Variants in ESRRB observed in about 807,000 individuals in gnomAD.
ESRRB encodes steroid hormone receptor ERR2.
In ESRRB, 16 loss-of-function variants were observed where a neutral mutation model predicts 46.0. That is an observed-to-expected ratio of 0.35 (90% CI 0.24 to 0.53). The LOEUF is 0.53. Ranked by LOEUF, ESRRB falls within the 20% of genes least tolerant of loss-of-function variation. The pLI is 0.93. For missense variants in ESRRB, 488 were observed against 607.4 expected, an observed-to-expected ratio of 0.80 and a Z score of 2.07; for synonymous variants, 246 against 259.6, an observed-to-expected ratio of 0.95 and a Z score of 0.50.
chr14:76,314,737 C>G (rs573714771), intron 1 of ESRRB, among the ~76,000 whole-genome samples: 1 of 152,068 alleles, frequency 6.6e-6, no homozygotes, highest in African/African-American at 2.4e-5. Context: ...TGGCCAAGGT[C>G]GAGCAATGTC....
Position 76,362,691 on chromosome 14 carries a change from G to C in ESRRB, c.2+51775G>C, listed in dbSNP as rs140806208. Among the ~76,000 whole-genome samples the C allele has an allele frequency of 3.7e-3, 559 of 152,278 alleles. 2 individuals carry two copies. The highest frequency in any genetic ancestry group is 5.9e-3 in the Non-Finnish European group (400 of 68,016). The stretch of plus-strand genomic sequence containing the variant: ...TTCCTTTAGAGAACAACTGATTCTA[G>C]AGATGCTGTTTTCATTTCCAACGCA... On this transcript the variant is annotated intron_variant, in intron 1 of 6. Transcript: ENST00000512784.
intron 1 of ESRRB, among the ~76,000 whole-genome samples, chr14:76,421,635 T>A (rs1358165546): frequency 2.6e-5 from 4 of 152,120 alleles, no homozygotes; most frequent in African/African-American, 9.7e-5. Context: ...TGCAGTGAAG[T>A]GTAATGACAT....
At chr14:76,356,778 C>T (rs1292813790) in intron 1 of ESRRB, among the ~76,000 whole-genome samples, 1 of 152,250 alleles carries the variant, frequency 6.6e-6, no homozygotes, top group Non-Finnish European at 1.5e-5. Context: ...CTGTCCAGCC[C>T]CATCAGCGCA....
intron 1 of ESRRB, among the ~76,000 whole-genome samples, chr14:76,359,028 C>T (rs1278306869): frequency 3.3e-5 from 5 of 152,210 alleles, no homozygotes; most frequent in African/African-American, 1.2e-4. Flanking sequence ...ACATTGAGAA[C>T]CACTGCCCTG....
chr14:76,325,384 G>T (rs1368282153), intron 1 of ESRRB, among the ~76,000 whole-genome samples: 1 of 152,186 alleles, frequency 6.6e-6, no homozygotes, highest in Non-Finnish European at 1.5e-5. Flanking sequence ...GAGAAAGGGA[G>T]GGGTTGTCTG....
At position 76,414,668 on chromosome 14, in the gene ESRRB, T is replaced by TAAAAAAAAAAAAA. The variant is rs71452810; in HGVS notation, c.51-24660_51-24648dup. On this transcript the variant is annotated intron_variant, in intron 1 of 6. Coordinates refer to ENST00000644823, the MANE Select transcript of ESRRB (RefSeq NM_001379180.1). ...TCTGCTGCTGTTTTTGTTTGTTCCT[T>TAAAAAAAAAAAAA]AAAAAAAAAAAAAAAAAAAAAAAAA... Among the ~76,000 whole-genome samples, 10 of 116,840 alleles carry TAAAAAAAAAAAAA rather than the reference T, an allele frequency of 8.6e-5. 1 individual carries two copies. Among genetic ancestry groups the TAAAAAAAAAAAAA allele is most frequent in the East Asian group, 3.1e-4 (1 of 3,228 alleles). The allele number at this position is 116,840 out of a possible 152,430, so 76.7% of individuals were successfully genotyped here.
At position 76,347,414 on chromosome 14, in the gene ESRRB, A is replaced by AGTGTGTGTGTGTGTGTGT. The variant is rs34971102; in HGVS notation, c.2+36501_2+36518dup. ...AAATGGGGACAGTATTTGCTCATGA[A>AGTGTGTGTGTGTGTGTGT]GTGTGTGTGTGTGTGTGTGTCACAC... On this transcript the variant is annotated intron_variant, in intron 1 of 6. Transcript: ENST00000512784. Among the ~76,000 whole-genome samples, 14 of 96,224 alleles carry AGTGTGTGTGTGTGTGTGT rather than the reference A, an allele frequency of 1.5e-4. 3 individuals carry two copies. The highest frequency in any genetic ancestry group is 5.0e-4 in the African/African-American group (14 of 28,044). The allele number at this position is 96,224 out of a possible 152,430, so 63.1% of individuals were successfully genotyped here.
Position 76,498,251 on chromosome 14 carries a change from G to A in ESRRB, c.1158G>A (p.Lys386=). ...MYIEDLEAVQ[K]LQDLLHEALQ... ...TCGAGGATCTAGAGGCTGTCCAGAA[G>A]CTGCAGGACCTGCTGCACGAGGCAC... is the stretch of plus-strand genomic sequence containing the variant. Residue 386 remains lysine, a synonymous_variant, in exon 7 of 7, where the codon AAG becomes AAA. Coordinates refer to ENST00000644823, the MANE Select transcript of ESRRB (RefSeq NM_001379180.1). 1 of 1,613,904 alleles carries A rather than the reference G, an allele frequency of 6.2e-7. No homozygotes were observed.
chr14:76,383,342 GGT>G (rs984318584), intron 1 of ESRRB, among the ~76,000 whole-genome samples: 9 of 106,810 alleles, frequency 8.4e-5, no homozygotes, highest in African/African-American at 3.2e-4. Flanking sequence ...AATTTTTATT[GGT>G]TTTTTTTTTG....
intron 2 of ESRRB, among the ~76,000 whole-genome samples, chr14:76,457,094 A>G (rs1447621055): frequency 6.6e-6 from 1 of 152,050 alleles, no homozygotes; most frequent in Non-Finnish European, 1.5e-5. Context: ...TGAACAGCTG[A>G]TGGGGATGAC....
At chr14:76,421,601 A>G (rs1886957538) in intron 1 of ESRRB, among the ~76,000 whole-genome samples, 1 of 152,206 alleles carries the variant, frequency 6.6e-6, no homozygotes, top group African/African-American at 2.4e-5. Flanking sequence ...TCTTGGATCC[A>G]GTTTACTGAT....
intron 6 of ESRRB, among the ~76,000 whole-genome samples, chr14:76,492,483 G>A (rs952982035): frequency 1.3e-5 from 2 of 152,182 alleles, no homozygotes; most frequent in African/African-American, 4.8e-5. Flanking sequence ...TATTAAATTA[G>A]CTAGGAGTTT....
At chr14:76,394,475 C>G (rs1463503263) in intron 1 of ESRRB, among the ~76,000 whole-genome samples, 1 of 152,190 alleles carries the variant, frequency 6.6e-6, no homozygotes, top group African/African-American at 2.4e-5. Flanking sequence ...CCCTTGAGCA[C>G]CTCATGTGGC....
chr14:76,424,357 C>T (rs904033270), intron 1 of ESRRB, among the ~76,000 whole-genome samples: 2 of 152,098 alleles, frequency 1.3e-5, no homozygotes, highest in Non-Finnish European at 2.9e-5. Context: ...TCAGGATGAG[C>T]CCTAAGCTTC....
intron 5 of ESRRB, among the ~76,000 whole-genome samples, chr14:76,484,356 C>A (rs994424588): frequency 6.6e-6 from 1 of 152,084 alleles, no homozygotes; most frequent in South Asian, 2.1e-4. Context: ...TACTAAGGAG[C>A]TCAACCTCTC....
At chr14:76,487,424 C>T (rs966913417) in intron 5 of ESRRB, among the ~76,000 whole-genome samples, 8 of 152,254 alleles carry the variant, frequency 5.3e-5, no homozygotes, top group African/African-American at 1.9e-4. Context: ...TCCACGTCCA[C>T]ACAGAGTTCT....
At chr14:76,386,938 C>A (rs895389607) in intron 1 of ESRRB, among the ~76,000 whole-genome samples, 1 of 152,106 alleles carries the variant, frequency 6.6e-6, no homozygotes, top group African/African-American at 2.4e-5. Context: ...CCTGTCTGTG[C>A]CTGATGTTTC....
chr14:76,427,024 G>T (rs978214590), intron 1 of ESRRB, among the ~76,000 whole-genome samples: 2 of 152,204 alleles, frequency 1.3e-5, no homozygotes, highest in African/African-American at 4.8e-5. Flanking sequence ...CAGAGATGCT[G>T]CAGGGGCATG....
chr14:76,354,231 C>A (rs1408157296), intron 1 of ESRRB, among the ~76,000 whole-genome samples: 4 of 102,168 alleles, frequency 3.9e-5, no homozygotes, highest in African/African-American at 1.7e-4. Context: ...CCCGCCCCCC[C>A]CCCCACCCAC....
Sources: allele counts gnomAD v4.1 joint callset (sites outside exome capture counted in the v4.1 genomes callset), GRCh38; gene constraint gnomAD v4.1.1; transcripts MANE v1.5; gene names NCBI Gene and HGNC (gene_info 2026-07-23, HGNC 2026-07-21).